The following CTNND2 variants were observed in gnomAD, a reference collection of about 807,000 sequenced individuals.
CTNND2 encodes catenin delta-2.
A neutral mutation model predicts 144.4 loss-of-function variants in CTNND2; 22 were observed. The ratio of observed to expected loss-of-function variants is 0.15; its 90% CI spans 0.11 to 0.22. The LOEUF (loss-of-function observed/expected upper bound fraction) is 0.22, where lower values mean the gene tolerates loss of function less well. Ranked by LOEUF, CTNND2 falls within the 10% of genes least tolerant of loss-of-function variation. The pLI is 1.00. For synonymous variants in CTNND2, 751 were observed against 695.6 expected, an observed-to-expected ratio of 1.08 and a Z score of -1.25; for missense variants, 1,353 against 1,618.8, an observed-to-expected ratio of 0.84 and a Z score of 2.82.
In CTNND2 at chr5:11,386,867, G is replaced by A. The variant is rs529548210; in HGVS notation, c.613-1638C>T. ...GTCTTATATGTGGAGGATGGGTAAC[G>A]AACACTACAGATGTGGGTGTGCTTA... On this transcript the variant is annotated intron_variant, in intron 6 of 21. Transcript: ENST00000304623. 3.9e-5 allele frequency among the ~76,000 whole-genome samples: 6 copies of A among 152,220 alleles called. No individual in the cohort carries two copies. The South Asian group carries it at 6.2e-4, about 16-fold the overall frequency.
intron 3 of CTNND2, among the ~76,000 whole-genome samples, chr5:11,504,149 T>A (rs1437392096): frequency 6.6e-6 from 1 of 152,192 alleles, no homozygotes; most frequent in South Asian, 2.1e-4. Context: ...GTGAATAAGA[T>A]AACCATGAAG....
intron 1 of CTNND2, among the ~76,000 whole-genome samples, chr5:11,845,273 C>T (rs1794681868): frequency 2.6e-5 from 4 of 152,162 alleles, no homozygotes. Flanking sequence ...TCACCCCCAG[C>T]ACAGTACTTT....
chr5:11,111,932 C>T (rs1343437273), intron 13 of CTNND2, among the ~76,000 whole-genome samples: 8 of 151,694 alleles, frequency 5.3e-5, no homozygotes, highest in Non-Finnish European at 8.8e-5. Flanking sequence ...CTGCAAGCTC[C>T]GCCTCCCAGG....
intron 17 of CTNND2, among the ~76,000 whole-genome samples, chr5:11,020,063 G>C (rs1027847172): frequency 6.6e-6 from 1 of 152,204 alleles, no homozygotes; most frequent in Non-Finnish European, 1.5e-5. Flanking sequence ...GAGGACTTCA[G>C]TTGGTGCAGT....
intron 11 of CTNND2, among the ~76,000 whole-genome samples, chr5:11,167,007 G>C (rs1051812511): frequency 4.6e-5 from 7 of 152,216 alleles, no homozygotes; most frequent in South Asian, 2.1e-4. Context: ...CCCAGGGGTT[G>C]GTTGGCCACA....
intron 3 of CTNND2, among the ~76,000 whole-genome samples, chr5:11,495,211 A>G (rs1007557463): frequency 6.6e-6 from 1 of 152,176 alleles, no homozygotes; most frequent in African/African-American, 2.4e-5. Flanking sequence ...TGAAATTGGA[A>G]GTCTTTTTTC....
At chr5:11,702,007 G>A (rs778427206) in intron 2 of CTNND2, among the ~76,000 whole-genome samples, 20 of 152,194 alleles carry the variant, frequency 1.3e-4, no homozygotes, top group Non-Finnish European at 2.1e-4. Flanking sequence ...GGCTTGGAAA[G>A]CACTCGGGCA....
At chr5:11,767,851 A>T (rs1427784363) in intron 1 of CTNND2, among the ~76,000 whole-genome samples, 1 of 152,186 alleles carries the variant, frequency 6.6e-6, no homozygotes, top group East Asian at 1.9e-4. Context: ...ACCATTGTAC[A>T]TTATTTGGAT....
At chr5:11,365,767 G>A (rs938375440) in intron 7 of CTNND2, among the ~76,000 whole-genome samples, 16 of 152,206 alleles carry the variant, frequency 1.1e-4, no homozygotes, top group South Asian at 4.1e-4. Flanking sequence ...GAAAGAGGAC[G>A]TTGATTGAGA....
intron 2 of CTNND2, among the ~76,000 whole-genome samples, chr5:11,687,517 T>C (rs993043881): frequency 6.6e-6 from 1 of 152,246 alleles, no homozygotes; most frequent in Non-Finnish European, 1.5e-5. Flanking sequence ...ACTACACCTG[T>C]TGAAACTGCA....
At chr5:11,661,627 A>T (rs1783210077) in intron 2 of CTNND2, among the ~76,000 whole-genome samples, 1 of 151,670 alleles carries the variant, frequency 6.6e-6, no homozygotes, top group East Asian at 1.9e-4. Flanking sequence ...ACAGATCTTT[A>T]AAAAAAAATC....
intron 14 of CTNND2, among the ~76,000 whole-genome samples, chr5:11,099,136 C>T (rs1751637390): frequency 6.6e-6 from 1 of 152,158 alleles, no homozygotes; most frequent in Admixed American, 6.5e-5. Context: ...AAGCATACTA[C>T]CAGTGTTGCA....
intron 1 of CTNND2, among the ~76,000 whole-genome samples, chr5:11,790,455 T>A (rs972694477): frequency 6.6e-6 from 1 of 152,118 alleles, no homozygotes; most frequent in African/African-American, 2.4e-5. Flanking sequence ...CTGTGTCAGT[T>A]TAAACCTATG....
chr5:11,064,340 TC>T (rs1401913193), intron 16 of CTNND2, among the ~76,000 whole-genome samples: 1 of 152,146 alleles, frequency 6.6e-6, no homozygotes, highest in Non-Finnish European at 1.5e-5. Context: ...GAGACTAGCA[TC>T]TAGTCACCGC....
At chr5:11,824,441 A>G (rs1199720820) in intron 1 of CTNND2, among the ~76,000 whole-genome samples, 2 of 152,160 alleles carry the variant, frequency 1.3e-5, no homozygotes, top group Non-Finnish European at 2.9e-5. Flanking sequence ...TCCCTTCAGG[A>G]GGGAGATGGG....
At chr5:11,267,952 T>C (rs1411427519) in intron 9 of CTNND2, among the ~76,000 whole-genome samples, 1 of 152,204 alleles carries the variant, frequency 6.6e-6, no homozygotes, top group Non-Finnish European at 1.5e-5. Context: ...AGAAAAACTT[T>C]AATGAGAAAA....
intron 3 of CTNND2, among the ~76,000 whole-genome samples, chr5:11,545,422 G>A (rs757538184): frequency 3.8e-4 from 57 of 151,252 alleles, no homozygotes; most frequent in South Asian, 1.3e-3. Context: ...CTGTAATCCC[G>A]GAATTTTGGG....
intron 1 of CTNND2, among the ~76,000 whole-genome samples, chr5:11,887,446 C>A (rs1736639150): frequency 6.6e-6 from 1 of 151,638 alleles, no homozygotes; most frequent in African/African-American, 2.4e-5. Context: ...TAGTCTAACC[C>A]CACTAAAATC....
At chr5:11,018,813 C>T (rs1388403509) in intron 17 of CTNND2, among the ~76,000 whole-genome samples, 1 of 150,492 alleles carries the variant, frequency 6.6e-6, no homozygotes, top group Non-Finnish European at 1.5e-5. Flanking sequence ...CGGGTTCAAG[C>T]GATTCTCCTT....
Sources: allele counts gnomAD v4.1 joint callset (sites outside exome capture counted in the v4.1 genomes callset), GRCh38; gene constraint gnomAD v4.1.1; transcripts MANE v1.5; gene names NCBI Gene and HGNC (gene_info 2026-07-23, HGNC 2026-07-21).